Variants in CCDC6 observed in about 807,000 individuals in gnomAD.
The protein encoded by CCDC6 is coiled-coil domain-containing protein 6.
Under a neutral mutation model 56.6 loss-of-function variants are expected in CCDC6, and 20 were observed. That is an observed-to-expected ratio of 0.35 (90% confidence interval 0.25 to 0.51). CCDC6 has a LOEUF of 0.51. Among genes scored for constraint, CCDC6 ranks in the 20% least tolerant of loss-of-function variants. The pLI is 0.95. For missense variants in CCDC6, 367 were observed against 601.1 expected, an observed-to-expected ratio of 0.61 and a Z score of 4.07; for synonymous variants, 241 against 234.4, an observed-to-expected ratio of 1.03 and a Z score of -0.26.
At chr10:59,899,731 T>TA (rs750572275) in intron 1 of CCDC6, among the ~76,000 whole-genome samples, 9 of 152,214 alleles carry the variant, frequency 5.9e-5, no homozygotes, top group Non-Finnish European at 8.8e-5. Flanking sequence ...CCAATGGGGC[T>TA]ACTTTTTCCT....
chr10:59,886,866 TC>T (rs1342315230), intron 1 of CCDC6, among the ~76,000 whole-genome samples: 1 of 152,082 alleles, frequency 6.6e-6, no homozygotes, highest in African/African-American at 2.4e-5. Flanking sequence ...TACAAATGGC[TC>T]TTATAAACAC....
intron 1 of CCDC6, among the ~76,000 whole-genome samples, chr10:59,882,029 G>GAGAAGGAAAGGAAAGCCGGC (rs2071341688): frequency 6.8e-6 from 1 of 146,152 alleles, no homozygotes; most frequent in Non-Finnish European, 1.5e-5. Context: ...AAAGCCGCGG[G>GAGAAGGAAAGGAAAGCCGGC]GAGAAGGAAA....
At chr10:59,884,494 T>C (rs1387533404) in intron 1 of CCDC6, among the ~76,000 whole-genome samples, 1 of 152,202 alleles carries the variant, frequency 6.6e-6, no homozygotes, top group Non-Finnish European at 1.5e-5. Flanking sequence ...TCCTTTAACT[T>C]GCTTTATAGA....
chr10:59,861,707 T>C (rs1014288722), intron 1 of CCDC6, among the ~76,000 whole-genome samples: 1 of 152,218 alleles, frequency 6.6e-6, no homozygotes. Flanking sequence ...GGCTCATTAG[T>C]AGATTTGGCA....
At chr10:59,820,929 A>C (rs376638616) in intron 3 of CCDC6, among the ~76,000 whole-genome samples, 65 of 152,068 alleles carry the variant, frequency 4.3e-4, no homozygotes, top group African/African-American at 1.5e-3. Context: ...TAACACAACA[A>C]CTTCCCAAAG....
At chr10:59,834,699 G>A (rs1430270010) in intron 2 of CCDC6, among the ~76,000 whole-genome samples, 1 of 152,084 alleles carries the variant, frequency 6.6e-6, no homozygotes, top group African/African-American at 2.4e-5. Flanking sequence ...CGTCAATCTT[G>A]CAGGGACCCA....
At chr10:59,840,716 T>C (rs2070930777) in intron 2 of CCDC6, among the ~76,000 whole-genome samples, 2 of 152,208 alleles carry the variant, frequency 1.3e-5, no homozygotes, top group Admixed American at 6.5e-5. Context: ...TAAATGATGG[T>C]AACTATTCTT....
chr10:59,886,788 A>G (rs1350140034), intron 1 of CCDC6, among the ~76,000 whole-genome samples: 1 of 152,216 alleles, frequency 6.6e-6, no homozygotes, highest in Non-Finnish European at 1.5e-5. Flanking sequence ...AAAAATGGGT[A>G]AGAGAAAGAC....
intron 2 of CCDC6, among the ~76,000 whole-genome samples, chr10:59,842,989 G>T (rs1247538685): frequency 1.3e-5 from 2 of 151,862 alleles, no homozygotes; most frequent in Non-Finnish European, 2.9e-5. Flanking sequence ...TCCCGACTTC[G>T]TGATCCACCT....
Position 59,906,468 on chromosome 10 carries a change from G to A in CCDC6, c.-44C>T, listed in dbSNP as rs746728470. 30 of 1,436,576 alleles carry A rather than the reference G, an allele frequency of 2.1e-5. No individual in the cohort carries two copies. Among genetic ancestry groups the A allele is most frequent in the Non-Finnish European group, 2.6e-5 (29 of 1,107,392 alleles). The allele number at this position is 1,436,576 out of a possible 1,614,324, so 89.0% of individuals were successfully genotyped here. On this transcript the variant is annotated 5_prime_UTR_variant, in exon 1 of 9. Coordinates refer to ENST00000263102, the MANE Select transcript of CCDC6 (RefSeq NM_005436.5). ...AAAGGAGGAGGAGCAGCAGGGAGGC[G>A]GCGGCGACGAAGGCCGGGCTGCGAA...
rs2070450480 is a variant in CCDC6 at position 59,789,602 on chromosome 10, A to C, written c.*3315T>G. 1 of 230,636 alleles carries C rather than the reference A, an allele frequency of 4.3e-6. No individual in the cohort carries two copies. The highest frequency in any genetic ancestry group is 6.2e-5 in the East Asian group (1 of 16,150). 14.3% of individuals were successfully genotyped at this position (230,636 alleles called of 1,614,324 possible). ...CAATTTGGAAATAAAAGGTTGTTTT[A>C]CTATGTATTTCTTTGGTAGTCATCA... On this transcript the variant is annotated 3_prime_UTR_variant, in exon 9 of 9. Coordinates refer to ENST00000263102, the MANE Select transcript of CCDC6 (RefSeq NM_005436.5).
chr10:59,807,862 T>C (rs3793880), intron 5 of CCDC6, among the ~76,000 whole-genome samples: 74,499 of 152,028 alleles, frequency 0.49, 19,166 homozygotes, highest in African/African-American at 0.66. Context: ...TTGTTGGCAT[T>C]CCCGCTGTGC....
intron 3 of CCDC6, among the ~76,000 whole-genome samples, chr10:59,825,809 T>A (rs1020795266): frequency 6.6e-6 from 1 of 152,230 alleles, no homozygotes; most frequent in Non-Finnish European, 1.5e-5. Flanking sequence ...GCCACTATTC[T>A]AAGAACTGGA....
chr10:59,903,865 A>G (rs1395301945), intron 1 of CCDC6, among the ~76,000 whole-genome samples: 2 of 152,186 alleles, frequency 1.3e-5, no homozygotes, highest in African/African-American at 2.4e-5. Context: ...GGAGTCACAT[A>G]AATTTCTCCT....
chr10:59,874,659 A>T (rs2071262719), intron 1 of CCDC6, among the ~76,000 whole-genome samples: 1 of 152,196 alleles, frequency 6.6e-6, no homozygotes, highest in Non-Finnish European at 1.5e-5. Context: ...ACTTTAAAAT[A>T]AGGAAATTAT....
intron 7 of CCDC6, among the ~76,000 whole-genome samples, chr10:59,798,421 A>G (rs999399946): frequency 6.6e-6 from 1 of 152,210 alleles, no homozygotes. Context: ...TAATACTAAA[A>G]GTTTATTTTG....
intron 1 of CCDC6, among the ~76,000 whole-genome samples, chr10:59,873,196 T>C (rs1433327248): frequency 3.3e-5 from 5 of 152,142 alleles, no homozygotes; most frequent in Admixed American, 6.5e-5. Context: ...GAAAAAGATA[T>C]GTTCAATTCC....
At chr10:59,854,256 C>G (rs967670074) in intron 1 of CCDC6, among the ~76,000 whole-genome samples, 1 of 152,108 alleles carries the variant, frequency 6.6e-6, no homozygotes. Flanking sequence ...CCCCAACATC[C>G]ACACACTCTA....
At chr10:59,843,966 T>C (rs1267654516) in intron 2 of CCDC6, among the ~76,000 whole-genome samples, 1 of 152,176 alleles carries the variant, frequency 6.6e-6, no homozygotes, top group African/African-American at 2.4e-5. Context: ...CTATCTCAGG[T>C]GTTTTTCTGG....
Sources: gnomAD v4.1 joint callset for allele counts (sites outside exome capture counted in the v4.1 genomes callset) on GRCh38, gnomAD v4.1.1 for gene constraint, MANE v1.5 for transcripts, NCBI Gene and HGNC (gene_info 2026-07-23, HGNC 2026-07-21) for gene names.